The following GNB2 variants were observed in gnomAD, a reference collection of about 807,000 sequenced individuals.
GNB2 encodes the protein guanine nucleotide-binding protein G(I)/G(S)/G(T) subunit beta-2.
Under a neutral mutation model 40.7 loss-of-function variants are expected in GNB2, and 7 were observed. The ratio of observed to expected loss-of-function variants is 0.17; its 90% CI spans 0.10 to 0.32. The LOEUF is 0.32. GNB2 is among the 10% of genes least tolerant of loss of function. GNB2 has a pLI of 1.00. For synonymous variants in GNB2, 254 were observed against 191.2 expected, an observed-to-expected ratio of 1.33 and a Z score of -2.71; for missense variants, 286 against 473.0, an observed-to-expected ratio of 0.60 and a Z score of 3.67.
At chr7:100,674,419 C>T (rs1804306966) in intron 1 of GNB2, among the ~76,000 whole-genome samples, 1 of 152,152 alleles carries the variant, frequency 6.6e-6, no homozygotes, top group Non-Finnish European at 1.5e-5. Context: ...GGGTGCTGCC[C>T]GTGGTTTCTG....
At chr7:100,674,014 T>G (rs1291183686) in intron 1 of GNB2, 91 bp downstream of exon 1, 1 of 154,006 alleles carries the variant, frequency 6.5e-6, no homozygotes, top group Non-Finnish European at 1.4e-5. Context: ...GGGGCTGGCC[T>G]CCTGGGAGCG....
Position 100,678,476 on chromosome 7 carries a change from G to C in GNB2, c.778G>C (p.Glu260Gln). 1 of 1,613,850 alleles carries C rather than the reference G, an allele frequency of 6.2e-7. No individual in the cohort carries two copies. The highest frequency in any genetic ancestry group is 8.5e-7 in the Non-Finnish European group (1 of 1,179,984). ...CRLFDLRADQ[E>Q]LLMYSHDNII... is the part of the protein sequence containing the mutation. ...CCTCTTCGACCTGCGGGCCGATCAG[G>C]AGCTCCTCATGTACTCCCATGACAA... Residue 260 changes from glutamate (E) to glutamine (Q), a missense_variant, in exon 9 of 10, where the codon GAG (glutamate) becomes CAG (glutamine). Glu to Gln is a conservative substitution (Grantham distance 29). Coordinates refer to ENST00000303210, the MANE Select transcript of GNB2 (RefSeq NM_005273.4).
rs566040333 is a variant in GNB2 at position 100,679,062 on chromosome 7, G to A, written c.*261G>A. The A allele has an allele frequency of 1.4e-4, 60 of 442,608 alleles. No individual in the cohort carries two copies. The highest frequency in any genetic ancestry group is 3.4e-4 in the South Asian group (6 of 17,642). The allele number at this position is 442,608 out of a possible 1,614,324, so 27.4% of individuals were successfully genotyped here. On this transcript the variant is annotated 3_prime_UTR_variant, in exon 10 of 10. Coordinates refer to ENST00000303210, the MANE Select transcript of GNB2 (RefSeq NM_005273.4). ...TGGGGCCTCACCCCTCTGGAGGGCC[G>A]GAGGCAGGAGGTGGAAACCCCAGGG...
In GNB2 at chr7:100,673,844, G is replaced by GCCGCCGCCT. The variant is rs1804294169; in HGVS notation, c.-161_-153dup. ...CGCCGCCGCCGCCGCCGCCGCCGCC[G>GCCGCCGCCT]CCGCCGCCTCCGCCGCGGAGGAAGA... On this transcript the variant is annotated 5_prime_UTR_variant, in exon 1 of 10. Transcript: ENST00000303210. 1 of 190,396 alleles carries GCCGCCGCCT rather than the reference G, an allele frequency of 5.3e-6. No homozygotes were observed. Among genetic ancestry groups the GCCGCCGCCT allele is most frequent in the Non-Finnish European group, 1.0e-5 (1 of 97,506 alleles). 11.8% of individuals were successfully genotyped at this position (190,396 alleles called of 1,614,324 possible). A position where few individuals can be genotyped will look rare whatever the true frequency, so the allele number is the denominator to read the frequency against.
Position 100,677,343 on chromosome 7 carries a change from C to T in GNB2, c.204-9C>T, listed in dbSNP as rs1284759488. The T allele has an allele frequency of 2.5e-6, 4 of 1,612,296 alleles. No homozygotes were observed. Among genetic ancestry groups the T allele is most frequent in the Admixed American group, 1.7e-5 (1 of 60,026 alleles). On this transcript the variant is annotated splice_polypyrimidine_tract_variant and intron_variant, in intron 4 of 9. Transcript: ENST00000303210. ...ACCCTTCTGCTCTCCCTACACCGTTCCCCACCAGGCTGCTGGTCAGCGCCT... is the reference window on the plus strand; with the variant it reads ...ACCCTTCTGCTCTCCCTACACCGTTTCCCACCAGGCTGCTGGTCAGCGCCT...
rs748265654 is a variant in GNB2 at position 100,677,479 on chromosome 7, C to T, written c.268-19C>T. 2.7e-5 allele frequency: 43 copies of T among 1,612,896 alleles called. No homozygotes were observed. The highest frequency in any genetic ancestry group is 1.6e-4 in the Middle Eastern group (1 of 6,080). The stretch of plus-strand genomic sequence containing the variant: ...GGGCCCTGGCTGGCTCTGACCCCGG[C>T]GCTTCCCCTGCTCCGCAGGTCCACG... On this transcript the variant is annotated intron_variant, in intron 5 of 9. Coordinates refer to ENST00000303210, the MANE Select transcript of GNB2 (RefSeq NM_005273.4).
intron 4 of GNB2, 32 bp from the exon 5 acceptor site, chr7:100,677,320 C>T (rs1345064810): frequency 1.3e-6 from 2 of 1,586,334 alleles, no homozygotes; most frequent in Non-Finnish European, 1.7e-6. Flanking sequence ...TTCACGCCAC[C>T]CTTCTGCTCT....
At chr7:100,675,737 C>G (rs2131349364) in intron 1 of GNB2, 1 of 153,370 alleles carries the variant, frequency 6.5e-6, no homozygotes, top group East Asian at 1.9e-4. Flanking sequence ...ACCATCGAAG[C>G]TGGGGGTGTG....
intron 1 of GNB2, chr7:100,675,718 C>T (rs960069623): frequency 1.3e-5 from 2 of 153,246 alleles, no homozygotes; most frequent in Admixed American, 6.5e-5. Flanking sequence ...GTCTCTCCCC[C>T]CACCCGCCAC....
intron 1 of GNB2, chr7:100,675,157 G>A (rs905380781): frequency 1.3e-5 from 2 of 150,782 alleles, no homozygotes; most frequent in Admixed American, 1.3e-4. Context: ...CCCGGGCGCC[G>A]AGCCTGCGGG....
intron 3 of GNB2, 39 bp downstream of exon 3, chr7:100,676,612 A>AT (rs1454064629): frequency 1.3e-6 from 2 of 1,583,596 alleles, no homozygotes; most frequent in Admixed American, 3.3e-5. Context: ...CTAGGGGTTG[A>AT]AGGGGCAAGG....
At chr7:100,675,851 G>A in intron 1 of GNB2, 1 of 191,566 alleles carries the variant, frequency 5.2e-6, no homozygotes, top group South Asian at 1.2e-4. Flanking sequence ...CAGAAGCCAG[G>A]TCTGTTTTCG....
intron 2 of GNB2, 25 bp from the exon 3 acceptor site, chr7:100,676,510 T>G: frequency 1.3e-6 from 2 of 1,597,858 alleles, no homozygotes; most frequent in Non-Finnish European, 1.7e-6. Context: ...CTCTCGCGTC[T>G]CTCTGGCTCT....
rs374292503 is a variant in GNB2 at position 100,673,815 on chromosome 7, G to GCGCCGCCGCCGCCGC, written c.-175_-161dup. ...CTGGGGCCACTGAGGAAATCCATCC[G>GCGCCGCCGCCGCCGC]CGCCGCCGCCGCCGCCGCCGCCGCC... On this transcript the variant is annotated 5_prime_UTR_variant, in exon 1 of 10. Transcript: ENST00000303210. 2.2e-3 allele frequency: 396 copies of GCGCCGCCGCCGCCGC among 178,340 alleles called. 3 individuals carry two copies. Among genetic ancestry groups the GCGCCGCCGCCGCCGC allele is most frequent in the Middle Eastern group, 0.01 (4 of 398 alleles). 11.0% of individuals were successfully genotyped at this position (178,340 alleles called of 1,614,324 possible).
intron 4 of GNB2, 77 bp downstream of exon 4, chr7:100,676,876 G>A: frequency 1.2e-6 from 1 of 832,180 alleles, no homozygotes; most frequent in Non-Finnish European, 1.9e-6. Context: ...ATCTGGCGGA[G>A]TAAGCAGGCC....
chr7:100,676,595 A>G, intron 3 of GNB2, 22 bp downstream of exon 3: 24 of 1,601,208 alleles, frequency 1.5e-5, no homozygotes, highest in Non-Finnish European at 2.1e-5. Context: ...TGGTGGCCAG[A>G]GCGTAACTAG....
intron 1 of GNB2, among the ~76,000 whole-genome samples, chr7:100,674,515 C>G (rs1159301628): frequency 6.6e-5 from 10 of 152,052 alleles, no homozygotes; most frequent in African/African-American, 1.9e-4. Context: ...CGCCCGCCCC[C>G]CGCCCAGCTT....
At chr7:100,676,375 G>A in intron 2 of GNB2, 53 bp downstream of exon 2, 3 of 1,494,700 alleles carry the variant, frequency 2.0e-6, no homozygotes, top group South Asian at 2.3e-5. Context: ...CCGGTGCCCT[G>A]GACCGGGTTG....
In GNB2 at chr7:100,677,771, C is replaced by T; in HGVS notation, c.450C>T (p.Arg150=). 1.2e-6 allele frequency: 2 copies of T among 1,613,846 alleles called. No individual in the cohort carries two copies. Among genetic ancestry groups the T allele is most frequent in the Non-Finnish European group, 1.7e-6 (2 of 1,179,984 alleles). The change falls in exon 7 of 10, where the codon CGC becomes CGT. Residue 150 remains arginine (R), a synonymous_variant. Transcript: ENST00000303210. ...CCCCAGGGTACCTGTCGTGTTGCCG[C>T]TTCCTGGATGACAACCAAATCATCA... The part of the protein sequence containing the change: ...PGHTGYLSCC[R]FLDDNQIITS...
Sources: gnomAD v4.1 joint callset for allele counts (sites outside exome capture counted in the v4.1 genomes callset) on GRCh38, gnomAD v4.1.1 for gene constraint, MANE v1.5 for transcripts, NCBI Gene and HGNC (gene_info 2026-07-23, HGNC 2026-07-21) for gene names.